The following ADRA1A variants were observed in gnomAD, a reference collection of about 807,000 sequenced individuals.
ADRA1A encodes alpha-1A adrenergic receptor.
In ADRA1A, 31 loss-of-function variants were observed where a neutral mutation model predicts 29.6. That is an observed-to-expected ratio of 1.05 (90% CI 0.79 to 1.41). The LOEUF is 1.41. Ranked by LOEUF, ADRA1A falls within the 40% of genes most tolerant of loss-of-function variation. The pLI is 0.00. For missense variants in ADRA1A, 619 were observed against 601.1 expected (o/e 1.03, Z -0.31); for synonymous variants, 311 against 254.3 (o/e 1.22, Z -2.12).
At chr8:26,785,094 T>C in intron 2 of ADRA1A, among the ~76,000 whole-genome samples, 1 of 152,290 alleles carries the variant, frequency 6.6e-6, no homozygotes, top group South Asian at 2.1e-4. Context: ...GAATGTTGAA[T>C]GAATGAATGT....
chr8:26,838,007 G>A (rs1246472762), intron 2 of ADRA1A, among the ~76,000 whole-genome samples: 2 of 152,264 alleles, frequency 1.3e-5, no homozygotes, highest in South Asian at 2.1e-4. Context: ...TTGTTTTTCC[G>A]GCTTGAGTTG....
intron 2 of ADRA1A, among the ~76,000 whole-genome samples, chr8:26,803,919 C>CTTTTTTTTTTTTTTTTTTTTTTTTTTTT (rs34314160): frequency 2.1e-5 from 2 of 95,246 alleles, no homozygotes; most frequent in African/African-American, 4.4e-5. Context: ...TGGAAGTTTC[C>CTTTTTTTTTTTTTTTTTTTTTTTTTTTT]TTTTTTTTTT....
At chr8:26,779,344 C>T in intron 2 of ADRA1A, 1 of 702,912 alleles carries the variant, frequency 1.4e-6, no homozygotes, top group East Asian at 2.7e-5. Context: ...TTCTCCATCA[C>T]CTCCAACCCC....
intron 2 of ADRA1A, among the ~76,000 whole-genome samples, chr8:26,772,384 C>G (rs1378262661): frequency 6.6e-6 from 1 of 152,166 alleles, no homozygotes; most frequent in African/African-American, 2.4e-5. Context: ...AAAATAACAT[C>G]TTGACTTTCC....
chr8:26,835,001 A>G (rs1478129156), intron 2 of ADRA1A, among the ~76,000 whole-genome samples: 1 of 152,222 alleles, frequency 6.6e-6, no homozygotes, highest in African/African-American at 2.4e-5. Context: ...ATCATAAACA[A>G]TGAAATTAAA....
Position 26,770,215 on chromosome 8 carries a change from C to T in ADRA1A, c.1335G>A (p.Lys445=). ...CCTTAATGGTTGGAACTTGATGGTT[C>T]TTGTCAAGGCTGGGGGTTGAGGGCC... ...CVGPSTPSLD[K]NHQVPTIKVH... Residue 445 remains lysine, a synonymous_variant, in exon 3 of 3, where the codon AAG becomes AAA. Transcript: ENST00000380573. 3 of 1,604,878 alleles carry T rather than the reference C, an allele frequency of 1.9e-6. No individual in the cohort carries two copies. Among genetic ancestry groups the T allele is most frequent in the Non-Finnish European group, 2.6e-6 (3 of 1,174,968 alleles).
chr8:26,764,481 T>C (rs1346180292), downstream of ADRA1A, among the ~76,000 whole-genome samples: 2 of 152,178 alleles, frequency 1.3e-5, no homozygotes, highest in Non-Finnish European at 2.9e-5. Context: ...GAGCTGGAAT[T>C]ATAGGTCAGG....
At chr8:26,776,391 C>T (rs189824993) in intron 2 of ADRA1A, among the ~76,000 whole-genome samples, 1 of 152,308 alleles carries the variant, frequency 6.6e-6, no homozygotes, top group African/African-American at 2.4e-5. Flanking sequence ...TAATGACAAC[C>T]TTGAGAGACA....
In ADRA1A at chr8:26,821,893, C is replaced by T. The variant is rs1336939257; in HGVS notation, c.883+42194G>A. ...TTGGCTTTTTCCACTTAGCATTATT[C>T]TCTGGTACTTCATCTAGAGAATGTT... is the stretch of plus-strand genomic sequence containing the variant. On this transcript the variant is annotated intron_variant, in intron 2 of 2. Transcript: ENST00000380573. The surrounding 1 kb of genome is among the most constrained non-coding windows in gnomAD (Gnocchi z 5.6). Among the ~76,000 whole-genome samples the T allele has an allele frequency of 5.3e-5, 8 of 152,186 alleles. No homozygotes were observed. The highest frequency in any genetic ancestry group is 1.9e-4 in the African/African-American group (8 of 41,436).
At position 26,841,460 on chromosome 8, in the gene ADRA1A, T is replaced by C. The variant is rs1004474579; in HGVS notation, c.883+22627A>G. Among the ~76,000 whole-genome samples, 12 of 152,184 alleles carry C rather than the reference T, an allele frequency of 7.9e-5. No individual in the cohort carries two copies. Among genetic ancestry groups the C allele is most frequent in the Non-Finnish European group, 1.5e-4 (10 of 68,032 alleles). ...TTTGCATTCAAATCCTCTCAACCAC[T>C]GCCTGCAGATTCCCCTCCTTCTGTA... On this transcript the variant is annotated intron_variant, in intron 2 of 2. Transcript: ENST00000380573. This position sits in a 1 kb window ranked among gnomAD's most constrained non-coding sequence, Gnocchi z 4.4.
chr8:26,784,748 T>A (rs1807252178), intron 2 of ADRA1A, among the ~76,000 whole-genome samples: 1 of 152,152 alleles, frequency 6.6e-6, no homozygotes, highest in Admixed American at 6.5e-5. Context: ...AAGTTTTTCA[T>A]AAGGCTTATA....
downstream of ADRA1A, chr8:26,756,257 CTT>C: frequency 3.2e-6 from 1 of 311,358 alleles, no homozygotes; most frequent in Non-Finnish European, 5.5e-6. Context: ...TCTTTTTACA[CTT>C]TGTTTCAATC....
At chr8:26,798,779 C>G (rs61761839) in intron 2 of ADRA1A, among the ~76,000 whole-genome samples, 2,635 of 152,270 alleles carry the variant, frequency 0.017, 68 homozygotes, top group African/African-American at 0.057. Flanking sequence ...ATAAGAAACA[C>G]TTTAAAACAC....
At chr8:26,752,422 A>G (rs1249933693), downstream of ADRA1A, among the ~76,000 whole-genome samples, 1 of 152,210 alleles carries the variant, frequency 6.6e-6, no homozygotes, top group Non-Finnish European at 1.5e-5. Context: ...ACATGTGGCA[A>G]CAAAGAAAAG....
Position 26,866,936 on chromosome 8 carries a change from C to T in ADRA1A, c.-687G>A. On this transcript the variant is annotated splice_region_variant and 5_prime_UTR_variant, in exon 1 of 3. Transcript: ENST00000380573. The surrounding 1 kb of genome is among the most constrained non-coding windows in gnomAD (Gnocchi z 5.7). ...GGGACGCCGGCCCCGGCGCACTCAC[C>T]TGAAGCGCCGCTGCTGAGCCACCAG... The T allele has an allele frequency of 1.0e-6, 1 of 985,498 alleles. No individual in the cohort carries two copies. The highest frequency in any genetic ancestry group is 1.2e-6 in the Non-Finnish European group (1 of 830,018). The allele number at this position is 985,498 out of a possible 1,614,324, so 61.0% of individuals were successfully genotyped here.
downstream of ADRA1A, among the ~76,000 whole-genome samples, chr8:26,756,098 A>T (rs1451069521): frequency 6.6e-6 from 1 of 152,236 alleles, no homozygotes; most frequent in Non-Finnish European, 1.5e-5. Flanking sequence ...TAAAACTTTA[A>T]AGCAAATTGC....
intron 2 of ADRA1A, among the ~76,000 whole-genome samples, chr8:26,858,724 C>T (rs1261524367): frequency 2.6e-5 from 4 of 152,214 alleles, no homozygotes; most frequent in Non-Finnish European, 5.9e-5. Context: ...AGTCTCTCTA[C>T]TCATCTCCAT....
intron 2 of ADRA1A, 123 bp from the exon 3 acceptor site, chr8:26,770,789 T>A: frequency 2.2e-6 from 3 of 1,366,858 alleles, no homozygotes; most frequent in Non-Finnish European, 2.9e-6. Context: ...CAAACACATA[T>A]GAGTTTCTCA....
chr8:26,769,195 C>T lies in ADRA1A; in HGVS notation c.*954G>A. 1.0e-6 allele frequency: 1 copy of T among 985,342 alleles called. No homozygotes were observed. The highest frequency in any genetic ancestry group is 1.2e-6 in the Non-Finnish European group (1 of 829,892). The allele number at this position is 985,342 out of a possible 1,614,324, so 61.0% of individuals were successfully genotyped here. On this transcript the variant is annotated 3_prime_UTR_variant, in exon 3 of 3. Coordinates refer to ENST00000380573, the MANE Select transcript of ADRA1A (RefSeq NM_000680.4). Reference sequence around the variant, plus strand: ...GGATTTTCATAACAGAGTTCTGGAACAGGTAAGTGATTTGTCAAGAAAGGC... The same window carrying T: ...GGATTTTCATAACAGAGTTCTGGAATAGGTAAGTGATTTGTCAAGAAAGGC...
Sources: gnomAD v4.1 joint callset for allele counts (sites outside exome capture counted in the v4.1 genomes callset) on GRCh38, gnomAD v4.1.1 for gene constraint, Gnocchi (gnomAD v3.1) non-coding constraint, MANE v1.5 for transcripts, NCBI Gene and HGNC (gene_info 2026-07-23, HGNC 2026-07-21) for gene names.